RBFOX1: variants seen among roughly 807,000 people sequenced by gnomAD.
RBFOX1 encodes the protein RNA binding fox-1 homolog 1, also known as RNA binding protein fox-1 homolog 1.
In RBFOX1, 8 loss-of-function variants were observed where a neutral mutation model predicts 57.7. The observed-to-expected ratio is 0.14, with a 90% confidence interval of 0.08 to 0.25. The LOEUF is 0.25. Among genes scored for constraint, RBFOX1 ranks in the 10% least tolerant of loss-of-function variants. RBFOX1 has a pLI of 1.00. For synonymous variants in RBFOX1, 326 were observed against 222.4 expected, an observed-to-expected ratio of 1.47 and a Z score of -4.15; for missense variants, 611 against 548.5, an observed-to-expected ratio of 1.11 and a Z score of -1.14.
chr16:6,020,066 G>A (rs2095036983), intron 1 of RBFOX1, 74 bp downstream of exon 1: 1 of 1,346,828 alleles, frequency 7.4e-7, no homozygotes, highest in Non-Finnish European at 9.6e-7. Context: ...TCTCATGGAG[G>A]GAAGCGCTAG....
chr16:6,403,078 C>T (rs2018953), intron 2 of RBFOX1, among the ~76,000 whole-genome samples: 14 of 150,842 alleles, frequency 9.3e-5, no homozygotes, highest in South Asian at 2.1e-4. Context: ...TGTGTTAAAA[C>T]CTTTAGTGTG....
rs145861898 is a variant in RBFOX1, at chr16:7,579,788, C to T, written c.282C>T (p.Asp94=). 3,337 of 1,614,012 alleles carry T rather than the reference C, an allele frequency of 2.1e-3. 23 individuals are homozygous for T. The highest frequency in any genetic ancestry group is 8.1e-3 in the South Asian group (738 of 91,070). ...TVSGTATQTD[D]AAPTDGQPQT... is the part of the protein sequence containing the mutation. ...TCTTGTTCTTTTAGCAGACAGATGA[C>T]GCAGCACCGACGGATGGCCAGCCCC... The change falls in exon 6 of 16, where the codon GAC becomes GAT. Residue 94 remains aspartate (D), a synonymous_variant. Coordinates refer to ENST00000550418, the MANE Select transcript of RBFOX1 (RefSeq NM_018723.4).
At chr16:7,664,596 G>T (rs554354030) in intron 12 of RBFOX1, among the ~76,000 whole-genome samples, 39 of 152,216 alleles carry the variant, frequency 2.6e-4, no homozygotes, top group Non-Finnish European at 5.3e-4. Context: ...CTGTTAAGAT[G>T]CTCATGTCTG....
At chr16:7,246,633 C>CTTTTTTTTTTTTTTTTTTTTTTTTTTTT (rs56654382) in intron 4 of RBFOX1, among the ~76,000 whole-genome samples, 3 of 105,478 alleles carry the variant, frequency 2.8e-5, no homozygotes, top group African/African-American at 1.3e-4. Context: ...TGGTCACCTC[C>CTTTTTTTTTTTTTTTTTTTTTTTTTTTT]TTTTTTTTTT....
chr16:6,407,071 G>A (rs753434240), intron 2 of RBFOX1, among the ~76,000 whole-genome samples: 1 of 152,142 alleles, frequency 6.6e-6, no homozygotes, highest in Non-Finnish European at 1.5e-5. Flanking sequence ...TGGTGTTACG[G>A]TTGAATATCA....
chr16:6,773,064 C>T (rs1291001463), intron 3 of RBFOX1, among the ~76,000 whole-genome samples: 2 of 87,576 alleles, frequency 2.3e-5, no homozygotes, highest in East Asian at 4.0e-4. Context: ...GCTTGGGGTG[C>T]ATTTGTGTGT....
At chr16:6,350,310 G>A (rs909797179) in intron 2 of RBFOX1, among the ~76,000 whole-genome samples, 5 of 151,464 alleles carry the variant, frequency 3.3e-5, no homozygotes, top group Admixed American at 1.3e-4. Flanking sequence ...GTTGCGTTGC[G>A]CATGCCTGTA....
chr16:7,362,335 ATGTT>A (rs1314008700), intron 4 of RBFOX1, among the ~76,000 whole-genome samples: 4 of 143,902 alleles, frequency 2.8e-5, no homozygotes, highest in East Asian at 2.1e-4. Context: ...TTTTGTGTGT[ATGTT>A]AGTGTATGTG....
At chr16:7,557,888 C>T (rs1403233680) in intron 5 of RBFOX1, among the ~76,000 whole-genome samples, 2 of 151,924 alleles carry the variant, frequency 1.3e-5, no homozygotes. Flanking sequence ...ACCAATGCCT[C>T]GTCACTGAAC....
chr16:7,402,228 A>C (rs1664433530), intron 4 of RBFOX1, among the ~76,000 whole-genome samples: 1 of 152,064 alleles, frequency 6.6e-6, no homozygotes, highest in Non-Finnish European at 1.5e-5. Context: ...TTGTCTGAAG[A>C]CTCACCTGTA....
intron 3 of RBFOX1, among the ~76,000 whole-genome samples, chr16:6,822,786 A>C (rs1567411994): frequency 6.6e-6 from 1 of 152,212 alleles, no homozygotes; most frequent in Non-Finnish European, 1.5e-5. Flanking sequence ...AAGCGCGAGT[A>C]TGGTCTGACT....
intron 4 of RBFOX1, among the ~76,000 whole-genome samples, chr16:7,434,123 A>T (rs76342297): frequency 0.048 from 7,290 of 152,198 alleles, 259 homozygotes; most frequent in East Asian, 0.17. Context: ...GCACGGAGTA[A>T]AGTTTCATAA....
intron 2 of RBFOX1, among the ~76,000 whole-genome samples, chr16:6,347,272 G>C (rs138724742): frequency 6.6e-6 from 1 of 152,182 alleles, no homozygotes; most frequent in Non-Finnish European, 1.5e-5. Flanking sequence ...GTGAACGGGA[G>C]ATGGTTCTCA....
intron 11 of RBFOX1, among the ~76,000 whole-genome samples, chr16:7,637,594 G>T (rs2061982549): frequency 6.6e-6 from 1 of 152,050 alleles, no homozygotes; most frequent in African/African-American, 2.4e-5. Flanking sequence ...TTTTTCTTCT[G>T]CACAATACAG....
At chr16:6,563,067 G>A (rs1489094108) in intron 2 of RBFOX1, among the ~76,000 whole-genome samples, 1 of 151,854 alleles carries the variant, frequency 6.6e-6, no homozygotes, top group Non-Finnish European at 1.5e-5. Flanking sequence ...GGGGCAGGGG[G>A]CCATGGAGTA....
At chr16:7,067,181 C>T (rs1412690675) in intron 4 of RBFOX1, among the ~76,000 whole-genome samples, 2 of 152,138 alleles carry the variant, frequency 1.3e-5, no homozygotes, top group Non-Finnish European at 2.9e-5. Flanking sequence ...TTTCACCAAA[C>T]CCAGAGGGTG....
chr16:5,507,110 G>C (rs1276958058), intron 2 of RBFOX1, among the ~76,000 whole-genome samples: 1 of 152,112 alleles, frequency 6.6e-6, no homozygotes, highest in Non-Finnish European at 1.5e-5. Flanking sequence ...TTCCCTGCCT[G>C]TAAAGTGAGG....
chr16:6,870,727 T>C (rs1397406678), intron 3 of RBFOX1, among the ~76,000 whole-genome samples: 4 of 152,166 alleles, frequency 2.6e-5, no homozygotes, highest in Admixed American at 2.6e-4. Context: ...GAATAATTAT[T>C]TCACCACCAA....
At chr16:7,059,378 C>T (rs141891606) in intron 4 of RBFOX1, among the ~76,000 whole-genome samples, 23 of 152,268 alleles carry the variant, frequency 1.5e-4, no homozygotes, top group African/African-American at 5.1e-4. Context: ...TGCTTCTGTT[C>T]AGTTATTTAT....
Sources: allele counts gnomAD v4.1 joint callset (sites outside exome capture counted in the v4.1 genomes callset), GRCh38; gene constraint gnomAD v4.1.1; transcripts MANE v1.5; gene names NCBI Gene and HGNC (gene_info 2026-07-23, HGNC 2026-07-21).